Variants in RSAD2 observed in about 807,000 individuals in gnomAD.
RSAD2 encodes the protein radical S-adenosyl methionine domain containing 2, also known as S-adenosylmethionine-dependent nucleotide dehydratase RSAD2.
In RSAD2, 38 loss-of-function variants were observed where a neutral mutation model predicts 37.7. The ratio of observed to expected loss-of-function variants is 1.01; its 90% CI spans 0.78 to 1.32. The LOEUF (loss-of-function observed/expected upper bound fraction) is 1.32. Among genes scored for constraint, RSAD2 ranks in the 40% most tolerant of loss-of-function variants. The probability of loss-of-function intolerance (pLI) is 0.00; values close to 1 mark genes in which losing one functional copy is unlikely to be tolerated. For missense variants in RSAD2, 428 were observed against 437.5 expected (o/e 0.98, Z 0.19); for synonymous variants, 163 against 157.4 (o/e 1.04, Z -0.27).
intron 5 of RSAD2, among the ~76,000 whole-genome samples, chr2:6,894,126 C>A (rs1223992433): frequency 6.6e-6 from 1 of 152,186 alleles, no homozygotes; most frequent in East Asian, 1.9e-4. Context: ...ACAAACCAGG[C>A]ACAGCCAGCT....
intron 3 of RSAD2, among the ~76,000 whole-genome samples, chr2:6,888,273 C>G (rs1663561784): frequency 1.3e-5 from 2 of 152,166 alleles, no homozygotes; most frequent in African/African-American, 4.8e-5. Context: ...TTAGGGGAAG[C>G]TGGAGATGCT....
intron 1 of RSAD2, among the ~76,000 whole-genome samples, chr2:6,867,740 A>G (rs1306831185): frequency 6.6e-6 from 1 of 152,206 alleles, no homozygotes; most frequent in African/African-American, 2.4e-5. Context: ...TGAGCCTCCA[A>G]CTGAAAGAAA....
At chr2:6,875,504 C>A (rs1471242514), upstream of RSAD2, among the ~76,000 whole-genome samples, 1 of 152,182 alleles carries the variant, frequency 6.6e-6, no homozygotes, top group Admixed American at 6.5e-5. Flanking sequence ...GGTAGCCAAC[C>A]AACCTATGAT....
chr2:6,866,496 C>T (rs1057007100), intron 1 of RSAD2: 2 of 985,416 alleles, frequency 2.0e-6, no homozygotes, highest in Non-Finnish European at 2.4e-6. Flanking sequence ...TGGGAAGTGT[C>T]GCCCAGATTG....
chr2:6,874,238 G>A (rs766700145), upstream of RSAD2, among the ~76,000 whole-genome samples: 26 of 152,044 alleles, frequency 1.7e-4, no homozygotes, highest in Non-Finnish European at 3.1e-4. Flanking sequence ...CAGAAGCCAA[G>A]CAGATGCCAG....
At chr2:6,876,296 T>C (rs919118839), upstream of RSAD2, among the ~76,000 whole-genome samples, 12 of 152,160 alleles carry the variant, frequency 7.9e-5, no homozygotes, top group African/African-American at 2.9e-4. Flanking sequence ...ATCCTCCTTA[T>C]GTTTGGGCTA....
At chr2:6,883,330 A>G in intron 1 of RSAD2, 41 bp from the exon 2 acceptor site, 5 of 1,580,916 alleles carry the variant, frequency 3.2e-6, no homozygotes, top group Middle Eastern at 1.7e-4. Flanking sequence ...ATAATAATGT[A>G]TATTTGTGAA....
intron 1 of RSAD2, among the ~76,000 whole-genome samples, chr2:6,870,480 T>C (rs1255363166): frequency 1.3e-5 from 2 of 152,192 alleles, no homozygotes; most frequent in Non-Finnish European, 2.9e-5. Context: ...CTCTGGTAAG[T>C]CTTCCCGAAT....
At chr2:6,879,748 A>G (rs892533120) in intron 1 of RSAD2, among the ~76,000 whole-genome samples, 1 of 151,956 alleles carries the variant, frequency 6.6e-6, no homozygotes, top group East Asian at 1.9e-4. Context: ...GTGTGTCTTC[A>G]TGCCTGACAG....
At chr2:6,885,963 A>G (rs1663509030) in intron 2 of RSAD2, among the ~76,000 whole-genome samples, 1 of 152,236 alleles carries the variant, frequency 6.6e-6, no homozygotes, top group Non-Finnish European at 1.5e-5. Flanking sequence ...TATGTTACAT[A>G]CGGATAAAAT....
chr2:6,890,293 G>C lies in RSAD2; in HGVS notation c.856G>C (p.Val286Leu). ...FERFLERHKE[V>L]SCLVPESNQK... Reference sequence around the variant, plus strand: ...AAGATTCTTGGAGCGCCACAAAGAAGTGTCCTGCTTGGTGCCTGAATCTAA... The same window carrying C: ...AAGATTCTTGGAGCGCCACAAAGAACTGTCCTGCTTGGTGCCTGAATCTAA... Residue 286 changes from valine (V) to leucine (L), a missense_variant, in exon 4 of 6, where the codon GTG becomes CTG. Coordinates refer to ENST00000382040, the MANE Select transcript of RSAD2 (RefSeq NM_080657.5). 1 of 1,614,212 alleles carries C rather than the reference G, an allele frequency of 6.2e-7. No individual in the cohort carries two copies. Among genetic ancestry groups the C allele is most frequent in the Middle Eastern group, 1.6e-4 (1 of 6,062 alleles).
At chr2:6,867,829 G>T (rs796730210) in intron 1 of RSAD2, among the ~76,000 whole-genome samples, 11 of 152,172 alleles carry the variant, frequency 7.2e-5, no homozygotes, top group African/African-American at 2.7e-4. Flanking sequence ...ACCTACCTTC[G>T]CCCTACGAAG....
At chr2:6,885,107 G>T (rs190159354) in intron 2 of RSAD2, among the ~76,000 whole-genome samples, 136 of 152,240 alleles carry the variant, frequency 8.9e-4, no homozygotes, top group Admixed American at 5.2e-3. Flanking sequence ...CACGTCTAGG[G>T]TTTATTAGAA....
intron 3 of RSAD2, among the ~76,000 whole-genome samples, chr2:6,889,437 T>A (rs899049354): frequency 6.6e-6 from 1 of 152,240 alleles, no homozygotes; most frequent in African/African-American, 2.4e-5. Flanking sequence ...CAATTTCTTC[T>A]CATCTGACTA....
upstream of RSAD2, among the ~76,000 whole-genome samples, chr2:6,873,832 A>G (rs549107256): frequency 6.6e-6 from 1 of 152,374 alleles, no homozygotes; most frequent in African/African-American, 2.4e-5. Context: ...ATCAAATAAG[A>G]AATGATGCTT....
At chr2:6,866,192 A>G in intron 1 of RSAD2, 1 of 184,558 alleles carries the variant, frequency 5.4e-6, no homozygotes, top group Non-Finnish European at 1.1e-5. Context: ...CGGGCTCTTC[A>G]ACGCCCACTT....
chr2:6,869,840 T>A (rs552838889), intron 1 of RSAD2, among the ~76,000 whole-genome samples: 9 of 152,316 alleles, frequency 5.9e-5, no homozygotes, highest in Non-Finnish European at 1.0e-4. Context: ...GGTCTGAATT[T>A]AAAATAAAAC....
In RSAD2 at chr2:6,886,978, C is replaced by T. The variant is rs111620392; in HGVS notation, c.552C>T (p.Asp184=). The T allele has an allele frequency of 3.6e-4, 585 of 1,614,150 alleles. 6 individuals are homozygous for T. The African/African-American group carries it at 6.4e-3, about 18-fold the overall frequency. Residue 184 remains aspartate, a synonymous_variant, in exon 3 of 6, where the codon GAC becomes GAT. Coordinates refer to ENST00000382040, the MANE Select transcript of RSAD2 (RefSeq NM_080657.5). ...DILAISCDSF[D]EEVNVLIGRG... Reference sequence around the variant, plus strand: ...TCGCTATCTCCTGTGACAGCTTTGACGAGGAAGTCAATGTCCTTATTGGCC... The same window carrying T: ...TCGCTATCTCCTGTGACAGCTTTGATGAGGAAGTCAATGTCCTTATTGGCC...
Position 6,890,199 on chromosome 2 carries a change from G to A in RSAD2, c.762G>A (p.Glu254=), listed in dbSNP as rs1225596613. 1.9e-6 allele frequency: 3 copies of A among 1,614,178 alleles called. No individual in the cohort carries two copies. Among genetic ancestry groups the A allele is most frequent in the Non-Finnish European group, 1.7e-6 (2 of 1,180,022 alleles). The change falls in exon 4 of 6, where the codon GAG becomes GAA. Residue 254 remains glutamate (E), a synonymous_variant. Transcript: ENST00000382040. ...AGGTGTTCCAGTGCCTCTTAATTGA[G>A]GGTGAGAATTGTGGAGAAGATGCTC... is the stretch of plus-strand genomic sequence containing the variant. ...RWKVFQCLLI[E]GENCGEDALR... is the part of the protein sequence containing the mutation.
Sources: gnomAD v4.1 joint callset for allele counts (sites outside exome capture counted in the v4.1 genomes callset) on GRCh38, gnomAD v4.1.1 for gene constraint, MANE v1.5 for transcripts, NCBI Gene and HGNC (gene_info 2026-07-23, HGNC 2026-07-21) for gene names.